The following IL1RAPL2 variants were observed in gnomAD, a reference collection of about 807,000 sequenced individuals.
The protein encoded by IL1RAPL2 is interleukin 1 receptor accessory protein like 2, also known as X-linked interleukin-1 receptor accessory protein-like 2.
In IL1RAPL2, 3 loss-of-function variants were observed where a neutral mutation model predicts 44.1. The observed-to-expected ratio is 0.07, with a 90% CI of 0.03 to 0.18. The LOEUF is 0.18. Ranked by LOEUF, IL1RAPL2 falls within the 10% of genes least tolerant of loss-of-function variation. IL1RAPL2 has a pLI of 1.00. For missense variants in IL1RAPL2, 391 were observed against 496.4 expected, an observed-to-expected ratio of 0.79 and a Z score of 2.02; for synonymous variants, 181 against 178.8, an observed-to-expected ratio of 1.01 and a Z score of -0.10.
At chrX:105,706,945 A>T (rs1265247251) in intron 6 of IL1RAPL2, among the ~76,000 whole-genome samples, 3 of 111,305 alleles carry the variant, frequency 2.7e-5, no homozygotes, top group Non-Finnish European at 5.7e-5. Context: ...TAACTGCTAC[A>T]CTCTCCCATA....
At chrX:104,975,231 T>TG in intron 2 of IL1RAPL2, among the ~76,000 whole-genome samples, 1 of 111,082 alleles carries the variant, frequency 9.0e-6, no homozygotes, top group Non-Finnish European at 1.9e-5. Context: ...CTGGGGAGTT[T>TG]GGGTCTGCAT....
intron 1 of IL1RAPL2, among the ~76,000 whole-genome samples, chrX:104,571,272 G>A (rs1263641454): frequency 8.9e-6 from 1 of 111,943 alleles, no homozygotes; most frequent in African/African-American, 3.3e-5. Context: ...TTATTTAAAA[G>A]TGTTACTTAG....
chrX:104,570,129 C>A (rs768113570), intron 1 of IL1RAPL2, among the ~76,000 whole-genome samples: 1 of 111,580 alleles, frequency 9.0e-6, no homozygotes, highest in East Asian at 2.8e-4. Flanking sequence ...AAAGAAAAAT[C>A]ATTGCCAAAC....
At chrX:104,872,939 A>C (rs1922804267) in intron 2 of IL1RAPL2, among the ~76,000 whole-genome samples, 1 of 111,701 alleles carries the variant, frequency 9.0e-6, no homozygotes, top group African/African-American at 3.2e-5. Flanking sequence ...TAGAGATGAG[A>C]GAATTCACAT....
rs181126819 is a variant in IL1RAPL2 at position 104,624,932 on chromosome X, T to C, written c.-19-33963T>C. ...TGGTGAAAAAAATATTGTCCAATAA[T>C]ATGTCTTGTATTACCTCACTTTCAT... On this transcript the variant is annotated intron_variant, in intron 1 of 10. Transcript: ENST00000372582. Among the ~76,000 whole-genome samples the C allele has an allele frequency of 3.1e-3, 348 of 112,103 alleles. 2 individuals carry two copies. Among genetic ancestry groups the C allele is most frequent in the African/African-American group, 0.011 (336 of 30,975 alleles).
chrX:104,910,028 G>C (rs1044238433), intron 2 of IL1RAPL2, among the ~76,000 whole-genome samples: 28 of 112,598 alleles, frequency 2.5e-4, no homozygotes, highest in African/African-American at 8.7e-4. Context: ...AGGACCCTCC[G>C]AGCCAGGTGG....
intron 6 of IL1RAPL2, among the ~76,000 whole-genome samples, chrX:105,608,821 T>C (rs907447013): frequency 8.9e-6 from 1 of 112,216 alleles, no homozygotes; most frequent in African/African-American, 3.2e-5. Context: ...TAAATATTAG[T>C]GAGCATATAG....
chrX:105,165,603 G>A (rs891307475), intron 2 of IL1RAPL2, among the ~76,000 whole-genome samples: 4 of 111,955 alleles, frequency 3.6e-5, no homozygotes, highest in Admixed American at 2.9e-4. Flanking sequence ...TGGCTTTCAG[G>A]ATAATTTCCA....
At chrX:105,567,902 G>A (rs376764323) in intron 6 of IL1RAPL2, among the ~76,000 whole-genome samples, 3 of 111,023 alleles carry the variant, frequency 2.7e-5, no homozygotes, top group African/African-American at 9.8e-5. Context: ...GGAATATAAA[G>A]CCCTAAAAAG....
At chrX:104,662,565 G>T (rs944976997) in intron 2 of IL1RAPL2, among the ~76,000 whole-genome samples, 5 of 111,179 alleles carry the variant, frequency 4.5e-5, no homozygotes, top group African/African-American at 1.6e-4. Flanking sequence ...AGCAGAAATG[G>T]CCATTTCTTT....
At chrX:105,251,866 T>C (rs770700105) in intron 4 of IL1RAPL2, among the ~76,000 whole-genome samples, 1 of 111,309 alleles carries the variant, frequency 9.0e-6, no homozygotes, top group East Asian at 2.8e-4. Context: ...ATGGAAAAGT[T>C]ATGTGGAAGC....
intron 5 of IL1RAPL2, among the ~76,000 whole-genome samples, chrX:105,420,586 T>C (rs1030724501): frequency 1.8e-5 from 2 of 111,845 alleles, no homozygotes; most frequent in Non-Finnish European, 3.8e-5. Flanking sequence ...AAAAACAAAA[T>C]TGCATTAAAA....
chrX:105,727,139 C>T (rs182245786), intron 7 of IL1RAPL2, among the ~76,000 whole-genome samples: 1 of 111,546 alleles, frequency 9.0e-6, no homozygotes, highest in East Asian at 2.9e-4. Flanking sequence ...CTGCAAGACA[C>T]CTAGCCATCA....
intron 10 of IL1RAPL2, 79 bp from the exon 11 acceptor site, chrX:105,766,885 T>C: frequency 3.1e-6 from 2 of 651,569 alleles, no homozygotes; most frequent in Non-Finnish European, 4.8e-6. Flanking sequence ...GGATCTTTGC[T>C]ATACTAGTGT....
At chrX:105,104,085 G>A (rs969151422) in intron 2 of IL1RAPL2, among the ~76,000 whole-genome samples, 1 of 111,397 alleles carries the variant, frequency 9.0e-6, no homozygotes, top group Non-Finnish European at 1.9e-5. Context: ...CTGAGCTTCA[G>A]GGCCTGTCTT....
chrX:104,853,447 G>T (rs1922276937), intron 2 of IL1RAPL2, among the ~76,000 whole-genome samples: 1 of 111,042 alleles, frequency 9.0e-6, no homozygotes, highest in African/African-American at 3.3e-5. Flanking sequence ...AGGAAAGTGG[G>T]ACTTGAGTTT....
chrX:104,850,758 C>A (rs946294563), intron 2 of IL1RAPL2, among the ~76,000 whole-genome samples: 7 of 110,701 alleles, frequency 6.3e-5, no homozygotes, highest in South Asian at 3.8e-4. Context: ...TTAATACTAG[C>A]AGAAAAGTCA....
At chrX:105,489,022 A>G (rs1459433024) in intron 6 of IL1RAPL2, among the ~76,000 whole-genome samples, 3 of 112,001 alleles carry the variant, frequency 2.7e-5, no homozygotes, top group Non-Finnish European at 5.6e-5. Flanking sequence ...TTCACATTGT[A>G]ATACTGAAAG....
intron 6 of IL1RAPL2, among the ~76,000 whole-genome samples, chrX:105,539,571 G>A (rs113624622): frequency 0.018 from 1,988 of 111,486 alleles, 42 homozygotes; most frequent in African/African-American, 0.062. Flanking sequence ...AGTAAGAATC[G>A]TAGAAGAAAA....
Sources: allele counts gnomAD v4.1 joint callset (sites outside exome capture counted in the v4.1 genomes callset), GRCh38; gene constraint gnomAD v4.1.1; transcripts MANE v1.5; gene names NCBI Gene and HGNC (gene_info 2026-07-23, HGNC 2026-07-21).